Variants in MAL2 observed in about 807,000 individuals in gnomAD.
MAL2 encodes the protein protein MAL2.
In MAL2, 17 loss-of-function variants were observed where a neutral mutation model predicts 18.1. That is an observed-to-expected ratio of 0.94 (90% confidence interval 0.64 to 1.41). MAL2 has a LOEUF of 1.41. Ranked by LOEUF, MAL2 falls within the 40% of genes most tolerant of loss-of-function variation. The pLI is 0.00. For missense variants in MAL2, 222 were observed against 231.9 expected (o/e 0.96, Z 0.28); for synonymous variants, 102 against 102.3 (o/e 1.00, Z 0.02).
In MAL2 at chr8:119,243,608, G is replaced by A; in HGVS notation, c.*120G>A. On this transcript the variant is annotated 3_prime_UTR_variant, in exon 4 of 4. Coordinates refer to ENST00000614891, the MANE Select transcript of MAL2 (RefSeq NM_052886.3). ...TTCCAAAAGTAATGTGTTTAGTAGAGAGAGACTCTAAGCTCAAGTTCTGGT... is the reference window on the plus strand; with the variant it reads ...TTCCAAAAGTAATGTGTTTAGTAGAAAGAGACTCTAAGCTCAAGTTCTGGT... 1.4e-6 allele frequency: 1 copy of A among 709,880 alleles called. No homozygotes were observed. The highest frequency in any genetic ancestry group is 2.1e-6 in the Non-Finnish European group (1 of 478,734). The allele number at this position is 709,880 out of a possible 1,614,324, so 44.0% of individuals were successfully genotyped here. A position where few individuals can be genotyped will look rare whatever the true frequency, so the allele number is the denominator to read the frequency against.
At chr8:119,238,050 C>G (rs1187495674) in intron 2 of MAL2, among the ~76,000 whole-genome samples, 4 of 152,176 alleles carry the variant, frequency 2.6e-5, no homozygotes. Flanking sequence ...TTGTCTCAGC[C>G]CAGAATCTCC....
chr8:119,215,102 C>T (rs868488650), intron 1 of MAL2: 5 of 152,038 alleles, frequency 3.3e-5, no homozygotes, highest in South Asian at 2.1e-4. Context: ...AATTTGGGGC[C>T]GAAAAAAGAT....
chr8:119,213,129 T>G (rs1817291688), intron 1 of MAL2, among the ~76,000 whole-genome samples: 1 of 152,144 alleles, frequency 6.6e-6, no homozygotes, highest in Non-Finnish European at 1.5e-5. Flanking sequence ...GGGAAGTCAA[T>G]TAAGTATGTA....
chr8:119,235,308 C>T (rs1241003339), intron 2 of MAL2, among the ~76,000 whole-genome samples: 1 of 152,064 alleles, frequency 6.6e-6, no homozygotes, highest in Non-Finnish European at 1.5e-5. Context: ...TGTGAAAAGA[C>T]CAAATCTACG....
intron 1 of MAL2, among the ~76,000 whole-genome samples, chr8:119,220,234 C>CT (rs934582699): frequency 1.2e-4 from 19 of 152,174 alleles, no homozygotes; most frequent in Non-Finnish European, 2.2e-4. Flanking sequence ...CTTATCTGTC[C>CT]TTTTTCTGTT....
Position 119,208,817 on chromosome 8 carries a change from G to C in MAL2, c.132+213G>C. On this transcript the variant is annotated intron_variant, in intron 1 of 3. Coordinates refer to ENST00000614891, the MANE Select transcript of MAL2 (RefSeq NM_052886.3). This position sits in a 1 kb window ranked among gnomAD's most constrained non-coding sequence, Gnocchi z 4.3. ...CTGTTACGCGGGCACCTGCTCCCCC[G>C]CGGGCGACGGAAATTGCCTGGGGAG... 1 of 700,588 alleles carries C rather than the reference G, an allele frequency of 1.4e-6. No homozygotes were observed. Among genetic ancestry groups the C allele is most frequent in the Admixed American group, 4.6e-5 (1 of 21,722 alleles). 43.4% of individuals were successfully genotyped at this position (700,588 alleles called of 1,614,324 possible).
At chr8:119,215,618 G>T (rs927590891) in intron 1 of MAL2, 1 of 152,220 alleles carries the variant, frequency 6.6e-6, no homozygotes, top group South Asian at 2.1e-4. Flanking sequence ...ACCTGGCCAG[G>T]GAAGTCTTTC....
intron 3 of MAL2, among the ~76,000 whole-genome samples, chr8:119,242,344 A>G (rs1818064095): frequency 6.6e-6 from 1 of 152,160 alleles, no homozygotes; most frequent in Non-Finnish European, 1.5e-5. Flanking sequence ...TTCTAAGTGA[A>G]GCTGTCTCAG....
chr8:119,217,146 C>A (rs73709669), intron 1 of MAL2, among the ~76,000 whole-genome samples: 11,231 of 152,188 alleles, frequency 0.074, 1,197 homozygotes, highest in African/African-American at 0.24. Context: ...TCACATCAAA[C>A]CCTGAGGATT....
chr8:119,214,028 A>T (rs1202976353), intron 1 of MAL2, among the ~76,000 whole-genome samples: 1 of 152,154 alleles, frequency 6.6e-6, no homozygotes, highest in Admixed American at 6.5e-5. Context: ...TAGAGAAGAG[A>T]TTTGTTTTGT....
chr8:119,217,170 T>C (rs561218154), intron 1 of MAL2, among the ~76,000 whole-genome samples: 2 of 152,190 alleles, frequency 1.3e-5, no homozygotes, highest in Non-Finnish European at 2.9e-5. Flanking sequence ...TTTAGTGTGA[T>C]TTGTGGATAA....
At chr8:119,239,084 A>C (rs1817985530) in intron 2 of MAL2, among the ~76,000 whole-genome samples, 2 of 152,222 alleles carry the variant, frequency 1.3e-5, no homozygotes, top group Non-Finnish European at 1.5e-5. Context: ...TTACAAGAAA[A>C]AAAAACAACC....
intron 2 of MAL2, among the ~76,000 whole-genome samples, chr8:119,223,117 T>A (rs372500163): frequency 5.3e-5 from 8 of 152,218 alleles, no homozygotes; most frequent in East Asian, 3.8e-4. Flanking sequence ...ATTCCACAGC[T>A]TTAGTGCAGA....
chr8:119,241,379 C>A (rs762292709), intron 3 of MAL2, among the ~76,000 whole-genome samples: 1 of 151,906 alleles, frequency 6.6e-6, no homozygotes, highest in African/African-American at 2.4e-5. Context: ...GGAAAAAAAA[C>A]AGAATAAAGA....
In MAL2 at chr8:119,240,319, C is replaced by T; in HGVS notation, c.458C>T (p.Ser153Leu). The change falls in exon 3 of 4, where the codon TCA (serine) becomes TTA (leucine). Residue 153 changes from serine to leucine, a missense_variant and splice_region_variant. Coordinates refer to ENST00000614891, the MANE Select transcript of MAL2 (RefSeq NM_052886.3). ...CAGTATAACATAAACGTAGCAGCCT[C>T]AGTAAGTATTCATATTCAATGAGTA... ...DNQYNINVAA[S>L]IFAFMTTACY... is the part of the protein sequence containing the mutation. 6.2e-7 allele frequency: 1 copy of T among 1,613,282 alleles called. No homozygotes were observed. The highest frequency in any genetic ancestry group is 8.5e-7 in the Non-Finnish European group (1 of 1,179,550).
intron 1 of MAL2, among the ~76,000 whole-genome samples, chr8:119,217,577 T>C (rs139749921): frequency 1.3e-5 from 2 of 152,320 alleles, no homozygotes; most frequent in Non-Finnish European, 2.9e-5. Flanking sequence ...TATTGGATTT[T>C]TTAGAACACT....
intron 2 of MAL2, among the ~76,000 whole-genome samples, chr8:119,232,224 T>TTTTTTTG (rs1817748053): frequency 6.6e-6 from 1 of 152,062 alleles, no homozygotes; most frequent in Non-Finnish European, 1.5e-5. Flanking sequence ...TTTTCTCAAT[T>TTTTTTTG]AAAATAATTT....
intron 2 of MAL2, among the ~76,000 whole-genome samples, chr8:119,234,485 T>C (rs1272927531): frequency 6.6e-6 from 1 of 152,196 alleles, no homozygotes. Context: ...CCTGCCTCTG[T>C]AGGCTCCACC....
rs1403913179 is a variant in MAL2 at position 119,243,716 on chromosome 8, C to T, written c.*228C>T. ...TTACATCTCTCCCCTTTTTCCCTTT[C>T]CCCCTTTATTTTCCTCCTTTTCTTT... On this transcript the variant is annotated 3_prime_UTR_variant, in exon 4 of 4. Coordinates refer to ENST00000614891, the MANE Select transcript of MAL2 (RefSeq NM_052886.3). The T allele has an allele frequency of 5.4e-6, 2 of 369,446 alleles. No individual in the cohort carries two copies. The highest frequency in any genetic ancestry group is 9.6e-6 in the Non-Finnish European group (2 of 207,838). The allele number at this position is 369,446 out of a possible 1,614,324, so 22.9% of individuals were successfully genotyped here.
Sources: allele counts gnomAD v4.1 joint callset (sites outside exome capture counted in the v4.1 genomes callset), GRCh38; gene constraint gnomAD v4.1.1; non-coding constraint Gnocchi (gnomAD v3.1); transcripts MANE v1.5; gene names NCBI Gene and HGNC (gene_info 2026-07-23, HGNC 2026-07-21).